SIAH1: variants seen among roughly 807,000 people sequenced by gnomAD.
SIAH1 encodes the protein siah E3 ubiquitin protein ligase 1.
A neutral mutation model predicts 20.0 loss-of-function variants in SIAH1; 2 were observed. The ratio of observed to expected loss-of-function variants is 0.10; its 90% CI spans 0.04 to 0.31. SIAH1 has a LOEUF of 0.31. Among genes scored for constraint, SIAH1 ranks in the 10% least tolerant of loss-of-function variants. SIAH1 has a pLI of 1.00. For synonymous variants in SIAH1, 118 were observed against 125.3 expected, an observed-to-expected ratio of 0.94 and a Z score of 0.39; for missense variants, 119 against 355.3, an observed-to-expected ratio of 0.33 and a Z score of 5.35.
intron 1 of SIAH1, among the ~76,000 whole-genome samples, chr16:48,372,611 G>A (rs1281520284): frequency 6.6e-6 from 1 of 152,084 alleles, no homozygotes; most frequent in African/African-American, 2.4e-5. Context: ...AGCTGAGGTC[G>A]ATCTAATAAC....
intron 1 of SIAH1, among the ~76,000 whole-genome samples, chr16:48,372,983 C>T (rs904484286): frequency 6.6e-6 from 1 of 152,166 alleles, no homozygotes; most frequent in Non-Finnish European, 1.5e-5. Context: ...CTCTGTTCAC[C>T]GACTTCACAT....
intron 1 of SIAH1, among the ~76,000 whole-genome samples, chr16:48,378,388 GTACA>G (rs1414653979): frequency 2.0e-5 from 3 of 151,860 alleles, no homozygotes; most frequent in Non-Finnish European, 4.4e-5. Context: ...GAATGAAAGA[GTACA>G]AACTCTACTG....
chr16:48,365,572 C>G, intron 1 of SIAH1: 1 of 1,513,310 alleles, frequency 6.6e-7, no homozygotes, highest in Non-Finnish European at 8.8e-7. Flanking sequence ...GACCCAAATT[C>G]GCGTCTGAGG....
chr16:48,384,876 G>C (rs931353488), intron 1 of SIAH1, among the ~76,000 whole-genome samples: 1 of 144,082 alleles, frequency 6.9e-6, no homozygotes, highest in African/African-American at 2.5e-5. Context: ...CCCGCCTCCC[G>C]GGCGCGCGGG....
chr16:48,369,135 T>C (rs545151017), intron 1 of SIAH1, among the ~76,000 whole-genome samples: 5 of 152,196 alleles, frequency 3.3e-5, no homozygotes, highest in Non-Finnish European at 5.9e-5. Flanking sequence ...TCAAACACTG[T>C]TATAAGGACA....
chr16:48,384,353 G>A (rs1254902694), intron 1 of SIAH1, among the ~76,000 whole-genome samples: 1 of 152,128 alleles, frequency 6.6e-6, no homozygotes, highest in African/African-American at 2.4e-5. Context: ...AACAAATTAT[G>A]TATCTTTCCA....
rs1215882975 is a variant in SIAH1 at position 48,377,359 on chromosome 16, T to A, written c.-3+7845A>T. On this transcript the variant is annotated intron_variant, in intron 1 of 1. Transcript: ENST00000394725. The stretch of plus-strand genomic sequence containing the variant: ...CCAGCTTTATTCTGGTCATATCTTG[T>A]CTGTAACATTAAACCTAAAGTTCTG... Among the ~76,000 whole-genome samples the A allele has an allele frequency of 2.6e-5, 4 of 151,354 alleles. No individual in the cohort carries two copies. The East Asian group carries it at 7.7e-4, about 29-fold the overall frequency.
intron 1 of SIAH1, chr16:48,365,821 G>T: frequency 8.0e-7 from 1 of 1,250,688 alleles, no homozygotes; most frequent in South Asian, 3.7e-5. Context: ...TGGAGGCCAC[G>T]GATGCAGGGG....
At chr16:48,379,549 G>A (rs1326147187) in intron 1 of SIAH1, among the ~76,000 whole-genome samples, 1 of 152,220 alleles carries the variant, frequency 6.6e-6, no homozygotes, top group Non-Finnish European at 1.5e-5. Flanking sequence ...TAAGGACAGT[G>A]TGGAGTCAGT....
chr16:48,383,684 T>A (rs1389907637), intron 1 of SIAH1, among the ~76,000 whole-genome samples: 1 of 152,132 alleles, frequency 6.6e-6, no homozygotes, highest in Non-Finnish European at 1.5e-5. Context: ...GCCATTCAAA[T>A]CCCCGGCCAC....
chr16:48,375,509 G>A lies in SIAH1; in HGVS notation c.-3+9695C>T, dbSNP rs189029953. Among the ~76,000 whole-genome samples, 241 of 152,170 alleles carry A rather than the reference G, an allele frequency of 1.6e-3. 4 individuals are homozygous for A. In the South Asian group the frequency reaches 0.02, roughly 13 times the overall value. ...AAAAATTATCCAGGCATGGTGGTGG[G>A]CACCTGTAATCCCAGCTACTAGGGA... On this transcript the variant is annotated intron_variant, in intron 1 of 1. Coordinates refer to ENST00000394725, the MANE Select transcript of SIAH1 (RefSeq NM_003031.4).
chr16:48,385,257 C>A lies in SIAH1; in HGVS notation c.-56G>T, dbSNP rs1035319684. Reference sequence around the variant, plus strand: ...CGGTCCTGGCACCAACGCGCTCCGTCGCCAACCCCCGCCACCGCGGGCAGC... The same window carrying A: ...CGGTCCTGGCACCAACGCGCTCCGTAGCCAACCCCCGCCACCGCGGGCAGC... On this transcript the variant is annotated 5_prime_UTR_variant, in exon 1 of 2. Coordinates refer to ENST00000394725, the MANE Select transcript of SIAH1 (RefSeq NM_003031.4). 9 of 318,262 alleles carry A rather than the reference C, an allele frequency of 2.8e-5. No homozygotes were observed. Among genetic ancestry groups the A allele is most frequent in the Non-Finnish European group, 6.0e-5 (9 of 149,992 alleles). The allele number at this position is 318,262 out of a possible 1,614,324, so 19.7% of individuals were successfully genotyped here.
rs774317002 is a variant in SIAH1, at chr16:48,377,390, CTTTTT to C, written c.-3+7809_-3+7813del. Reference sequence around the variant, plus strand: ...ACATTAAACCTAAAGTTCTGGAAGACTTTTTTTTTTTTTTTTTTTGAGACAGAGTC... The same window carrying C: ...ACATTAAACCTAAAGTTCTGGAAGACTTTTTTTTTTTTTTGAGACAGAGTC... On this transcript the variant is annotated intron_variant, in intron 1 of 1. Transcript: ENST00000394725. Among the ~76,000 whole-genome samples the C allele has an allele frequency of 2.2e-3, 292 of 132,094 alleles. 2 individuals carry two copies. The East Asian group carries it at 0.031, about 14-fold the overall frequency. 86.7% of individuals were successfully genotyped at this position (132,094 alleles called of 152,430 possible).
chr16:48,363,163 T>C (rs1254797376), intron 1 of SIAH1: 4 of 167,050 alleles, frequency 2.4e-5, no homozygotes, highest in African/African-American at 9.7e-5. Flanking sequence ...ATACCGCGGA[T>C]TGAATGTAGT....
At chr16:48,384,510 G>A (rs2151056908) in intron 1 of SIAH1, among the ~76,000 whole-genome samples, 1 of 152,296 alleles carries the variant, frequency 6.6e-6, no homozygotes, top group African/African-American at 2.4e-5. Context: ...ATAAGCTAGA[G>A]CTTCCCCGGC....
At chr16:48,383,423 C>A (rs985371627) in intron 1 of SIAH1, among the ~76,000 whole-genome samples, 6 of 152,166 alleles carry the variant, frequency 3.9e-5, no homozygotes, top group Non-Finnish European at 7.4e-5. Flanking sequence ...AAATCCTCTC[C>A]ACCATAATTT....
chr16:48,365,000 A>G (rs114867375), intron 1 of SIAH1: 2,661 of 183,518 alleles, frequency 0.014, 91 homozygotes, highest in African/African-American at 0.06. Flanking sequence ...CAAACACTAC[A>G]GAAAGCACAT....
chr16:48,368,554 C>T (rs1365468290), intron 1 of SIAH1, among the ~76,000 whole-genome samples: 2 of 152,032 alleles, frequency 1.3e-5, no homozygotes, highest in East Asian at 3.9e-4. Flanking sequence ...AAAAATTAGC[C>T]GGGCATGGTG....
Position 48,360,643 on chromosome 16 carries a change from T to A in SIAH1, c.*937A>T, listed in dbSNP as rs1166820896. 1 of 152,682 alleles carries A rather than the reference T, an allele frequency of 6.5e-6. No individual in the cohort carries two copies. Among genetic ancestry groups the A allele is most frequent in the African/African-American group, 2.4e-5 (1 of 41,470 alleles). 9.5% of individuals were successfully genotyped at this position (152,682 alleles called of 1,614,324 possible). ...TGCTTTTAATTACAAATACTGTGCA[T>A]GACGATGCCTTCTTCTGCAAAACCA... On this transcript the variant is annotated 3_prime_UTR_variant, in exon 2 of 2. Transcript: ENST00000394725.
Sources: allele counts gnomAD v4.1 joint callset (sites outside exome capture counted in the v4.1 genomes callset), GRCh38; gene constraint gnomAD v4.1.1; transcripts MANE v1.5; gene names NCBI Gene and HGNC (gene_info 2026-07-23, HGNC 2026-07-21).